ESR1: variants seen among roughly 807,000 people sequenced by gnomAD.
The protein encoded by ESR1 is estrogen receptor.
ESR1 carries 12 observed loss-of-function variants against 52.7 expected under a neutral mutation model. The observed-to-expected ratio is 0.23, with a 90% CI of 0.15 to 0.37. ESR1 has a LOEUF of 0.37. Ranked by LOEUF, ESR1 falls within the 10% of genes least tolerant of loss-of-function variation. The pLI, the probability that ESR1 is intolerant of heterozygous loss-of-function variation, is 1.00. For missense variants in ESR1, 584 were observed against 779.7 expected (o/e 0.75, Z 2.99); for synonymous variants, 305 against 316.8 (o/e 0.96, Z 0.39).
chr6:152,125,237 T>A (rs2052951131), intron 6 of ESR1: 1 of 1,548,586 alleles, frequency 6.5e-7, no homozygotes, highest in Non-Finnish European at 8.7e-7. Context: ...ATAATGGTAA[T>A]GGTAATTCAG....
chr6:152,124,129 C>A (rs1438722597), intron 6 of ESR1, among the ~76,000 whole-genome samples: 3 of 152,126 alleles, frequency 2.0e-5, no homozygotes, highest in Non-Finnish European at 4.4e-5. Flanking sequence ...TTCAAGCCAG[C>A]CTGGCCAACA....
At chr6:151,798,977 C>G (rs1776969343) in intron 2 of ESR1, among the ~76,000 whole-genome samples, 1 of 152,184 alleles carries the variant, frequency 6.6e-6, no homozygotes, top group South Asian at 2.1e-4. Flanking sequence ...TGTTCTCAAG[C>G]TCTTCCCATT....
At position 151,765,677 on chromosome 6, in the gene ESR1, G is replaced by A. The variant is rs138484748; in HGVS notation, c.-70-42166G>A. On this transcript the variant is annotated intron_variant, in intron 2 of 2. Coordinates refer to the ESR1 transcript ENST00000404742. ...CTACATGGAGGAGTTGCCTGGGCTT[G>A]TCACTCAGATTCTGGCACTTTTCAT... Among the ~76,000 whole-genome samples the A allele has an allele frequency of 9.2e-5, 14 of 152,284 alleles. No individual in the cohort carries two copies. In the East Asian group the frequency reaches 2.7e-3, roughly 29 times the overall value.
At chr6:152,009,835 G>A (rs1463043015) in intron 4 of ESR1, among the ~76,000 whole-genome samples, 1 of 152,078 alleles carries the variant, frequency 6.6e-6, no homozygotes, top group South Asian at 2.1e-4. Context: ...CAACCCAAAT[G>A]TCCAATGAAA....
chr6:152,124,332 A>G (rs1197443726), intron 6 of ESR1, among the ~76,000 whole-genome samples: 2 of 152,334 alleles, frequency 1.3e-5, no homozygotes, highest in East Asian at 1.9e-4. Context: ...GGTTCTGCAG[A>G]AACCCCAAGA....
At chr6:151,891,856 A>T (rs899648315) in intron 3 of ESR1, among the ~76,000 whole-genome samples, 3 of 152,212 alleles carry the variant, frequency 2.0e-5, no homozygotes, top group Non-Finnish European at 4.4e-5. Flanking sequence ...GTTGCACAGC[A>T]GAAGTACCAA....
At chr6:152,050,523 A>G (rs2046598038) in intron 5 of ESR1, among the ~76,000 whole-genome samples, 1 of 152,100 alleles carries the variant, frequency 6.6e-6, no homozygotes. Context: ...TGCCTTCTCT[A>G]AGAGGAATGA....
intron 2 of ESR1, among the ~76,000 whole-genome samples, chr6:151,848,593 T>G (rs1368173585): frequency 6.6e-6 from 1 of 152,134 alleles, no homozygotes; most frequent in Non-Finnish European, 1.5e-5. Flanking sequence ...TTGTGTCTGG[T>G]CACCTTCTGG....
intron 2 of ESR1, among the ~76,000 whole-genome samples, chr6:151,762,848 C>T (rs1255155213): frequency 6.6e-6 from 1 of 151,986 alleles, no homozygotes; most frequent in Non-Finnish European, 1.5e-5. Flanking sequence ...TCTGTAGTCC[C>T]AGCTATTCAG....
At chr6:151,980,830 A>C (rs545347737) in intron 4 of ESR1, among the ~76,000 whole-genome samples, 1 of 152,270 alleles carries the variant, frequency 6.6e-6, no homozygotes, top group African/African-American at 2.4e-5. Context: ...CAACCTCCCA[A>C]GCAGCTGGGA....
At chr6:151,824,275 C>G (rs372389067) in intron 1 of ESR1, among the ~76,000 whole-genome samples, 183 of 152,214 alleles carry the variant, frequency 1.2e-3, no homozygotes, top group Non-Finnish European at 2.0e-3. Flanking sequence ...GTCTTCTTTT[C>G]AGAAGTGTCT....
intron 2 of ESR1, among the ~76,000 whole-genome samples, chr6:151,747,986 G>A (rs1041877730): frequency 6.6e-6 from 1 of 152,132 alleles, no homozygotes; most frequent in African/African-American, 2.4e-5. Flanking sequence ...TAATTCTCTT[G>A]AGTATATGCC....
chr6:151,795,832 GGAAT>G (rs1168299742), intron 2 of ESR1, among the ~76,000 whole-genome samples: 2 of 152,124 alleles, frequency 1.3e-5, no homozygotes, highest in Non-Finnish European at 2.9e-5. Flanking sequence ...CTCTGTGCAT[GGAAT>G]ACTATGCAGT....
chr6:151,800,180 TAAAAACACAA>T (rs1405433693), upstream of ESR1, among the ~76,000 whole-genome samples: 1 of 152,054 alleles, frequency 6.6e-6, no homozygotes, highest in Non-Finnish European at 1.5e-5. Flanking sequence ...TATATGAAAG[TAAAAACACAA>T]GGAGTGGTTG....
At chr6:151,921,828 T>G (rs562336453) in intron 3 of ESR1, among the ~76,000 whole-genome samples, 8 of 152,356 alleles carry the variant, frequency 5.3e-5, no homozygotes, top group Admixed American at 2.6e-4. Context: ...TTGTAGATTC[T>G]GGATATTAAA....
chr6:151,895,892 C>T (rs766386386), intron 3 of ESR1, among the ~76,000 whole-genome samples: 9 of 152,158 alleles, frequency 5.9e-5, no homozygotes, highest in African/African-American at 2.2e-4. Flanking sequence ...TGGTTTCCAG[C>T]GATTCTCCTG....
chr6:151,698,124 G>C (rs1356896443), intron 1 of ESR1, among the ~76,000 whole-genome samples: 1 of 151,868 alleles, frequency 6.6e-6, no homozygotes, highest in Non-Finnish European at 1.5e-5. Context: ...CTAGCACTTT[G>C]GGAGGCCGAG....
At chr6:151,753,150 C>CG (rs1178880348) in intron 2 of ESR1, among the ~76,000 whole-genome samples, 1 of 152,174 alleles carries the variant, frequency 6.6e-6, no homozygotes, top group African/African-American at 2.4e-5. Context: ...CAACTGTTGA[C>CG]GTGCTTTAAA....
chr6:151,838,059 G>A (rs1783668898), intron 1 of ESR1, among the ~76,000 whole-genome samples: 2 of 152,098 alleles, frequency 1.3e-5, no homozygotes, highest in Non-Finnish European at 2.9e-5. Context: ...GAATGCAGTG[G>A]TGCAATCATA....
Sources: allele counts gnomAD v4.1 joint callset (sites outside exome capture counted in the v4.1 genomes callset), GRCh38; gene constraint gnomAD v4.1.1; transcripts MANE v1.5; gene names NCBI Gene and HGNC (gene_info 2026-07-23, HGNC 2026-07-21).